GNG7: variants seen among roughly 807,000 people sequenced by gnomAD.
The protein encoded by GNG7 is G protein subunit gamma 7, also known as guanine nucleotide-binding protein G(I)/G(S)/G(O) subunit gamma-7.
A neutral mutation model predicts 4.0 loss-of-function variants in GNG7; 1 was observed. The ratio of observed to expected loss-of-function variants is 0.25; its 90% CI spans 0.09 to 1.18. The LOEUF (loss-of-function observed/expected upper bound fraction) is 1.18, where lower values mean the gene tolerates loss of function less well. Ranked by LOEUF, GNG7 falls within the 50% of genes most tolerant of loss-of-function variation. The pLI, the probability that GNG7 is intolerant of heterozygous loss-of-function variation, is 0.50. For synonymous variants in GNG7, 34 were observed against 36.9 expected (o/e 0.92, Z 0.29); for missense variants, 86 against 91.9 (o/e 0.94, Z 0.26).
At chr19:2,667,686 A>C (rs1983344949) in intron 1 of GNG7, among the ~76,000 whole-genome samples, 1 of 152,136 alleles carries the variant, frequency 6.6e-6, no homozygotes, top group South Asian at 2.1e-4. Context: ...AGGCGGAGGC[A>C]GGCAGATCAG....
intron 1 of GNG7, among the ~76,000 whole-genome samples, chr19:2,697,669 C>T (rs796409433): frequency 8.5e-5 from 13 of 152,264 alleles, no homozygotes; most frequent in African/African-American, 1.9e-4. Flanking sequence ...TGAAAGGACA[C>T]AGCGGCCGGG....
intron 2 of GNG7, among the ~76,000 whole-genome samples, chr19:2,606,669 T>A (rs112496379): frequency 0.014 from 472 of 34,480 alleles, 5 homozygotes; most frequent in African/African-American, 0.07. Flanking sequence ...AAAAAATAAT[T>A]AATTAATTAA....
rs35033739 is a variant in GNG7, at chr19:2,671,534, G to A, written c.-134-25254C>T. On this transcript the variant is annotated intron_variant, in intron 1 of 4. Transcript: ENST00000382159. Reference sequence around the variant, plus strand: ...CTGGGGAGGAGCCAGGCAGGGGAACGTTCGTCCTGGCTGAGCTCCGAGGCC... The same window carrying A: ...CTGGGGAGGAGCCAGGCAGGGGAACATTCGTCCTGGCTGAGCTCCGAGGCC... Among the ~76,000 whole-genome samples, 664 of 152,182 alleles carry A rather than the reference G, an allele frequency of 4.4e-3. 8 individuals carry two copies. Among genetic ancestry groups the A allele is most frequent in the African/African-American group, 0.015 (634 of 41,484 alleles).
At chr19:2,670,383 G>A (rs956837920) in intron 1 of GNG7, among the ~76,000 whole-genome samples, 4 of 152,318 alleles carry the variant, frequency 2.6e-5, no homozygotes, top group East Asian at 1.9e-4. Context: ...CCTCGACCCC[G>A]CTGTCACGGG....
At chr19:2,559,937 G>C (rs762546598) in intron 2 of GNG7, among the ~76,000 whole-genome samples, 2 of 152,236 alleles carry the variant, frequency 1.3e-5, no homozygotes, top group Non-Finnish European at 2.9e-5. Flanking sequence ...AGGGACACGA[G>C]AAGGGGCCTC....
rs200140812 is a variant in GNG7 at position 2,553,606 on chromosome 19, TATC to T, written c.-38+1540_-38+1542del. Among the ~76,000 whole-genome samples, 1,221 of 148,776 alleles carry T rather than the reference TATC, an allele frequency of 8.2e-3. 74 individuals carry two copies. The highest frequency in any genetic ancestry group is 0.073 in the Admixed American group (1,080 of 14,754). On this transcript the variant is annotated intron_variant, in intron 3 of 4. Transcript: ENST00000382159. The stretch of plus-strand genomic sequence containing the variant: ...ATACACGCACATATTACATGCAATA[TATC>T]ATACTACATACATGCACACGTTACA...
intron 2 of GNG7, among the ~76,000 whole-genome samples, chr19:2,599,355 G>A (rs1045185458): frequency 6.6e-6 from 1 of 152,074 alleles, no homozygotes; most frequent in Non-Finnish European, 1.5e-5. Flanking sequence ...CCTCCCAGCC[G>A]AGGCTGGATG....
intron 2 of GNG7, among the ~76,000 whole-genome samples, chr19:2,569,255 C>G (rs559206978): frequency 2.0e-3 from 286 of 141,952 alleles, no homozygotes; most frequent in Non-Finnish European, 3.8e-3. Context: ...GGATGGCGAT[C>G]ATCTCCATTC....
chr19:2,591,325 C>T lies in GNG7; in HGVS notation c.-77-36137G>A, dbSNP rs758449123. ...TATTTGCCAACATACTACTCCGCCT[C>T]CTCTCTGTTTCCTCTCTTGTAAGAT... On this transcript the variant is annotated intron_variant, in intron 2 of 4. Coordinates refer to ENST00000382159, the MANE Select transcript of GNG7 (RefSeq NM_052847.3). 3.5e-4 allele frequency among the ~76,000 whole-genome samples: 53 copies of T among 152,182 alleles called. 1 individual carries two copies. Among genetic ancestry groups the T allele is most frequent in the Admixed American group, 2.0e-4 (3 of 15,272 alleles).
chr19:2,620,581 G>A (rs567744221), intron 2 of GNG7, among the ~76,000 whole-genome samples: 83 of 152,266 alleles, frequency 5.5e-4, no homozygotes, highest in Middle Eastern at 3.4e-3. Flanking sequence ...GATTTTCAAC[G>A]AAACATCCCA....
intron 3 of GNG7, among the ~76,000 whole-genome samples, chr19:2,532,371 A>G (rs955118962): frequency 6.6e-6 from 1 of 152,204 alleles, no homozygotes; most frequent in Non-Finnish European, 1.5e-5. Flanking sequence ...TAAGAATTCA[A>G]TGGAAGAAAT....
At chr19:2,641,088 G>A (rs996633169) in intron 2 of GNG7, among the ~76,000 whole-genome samples, 1 of 152,208 alleles carries the variant, frequency 6.6e-6, no homozygotes, top group Non-Finnish European at 1.5e-5. Flanking sequence ...GAAGGGACTC[G>A]GGTCCCGCAG....
chr19:2,677,432 C>T (rs532526476), intron 1 of GNG7, among the ~76,000 whole-genome samples: 1 of 151,882 alleles, frequency 6.6e-6, no homozygotes, highest in African/African-American at 2.4e-5. Context: ...TTGCAGTGGC[C>T]AGGACAACCC....
In GNG7 at chr19:2,515,102, C is replaced by A; in HGVS notation, c.127G>T (p.Ala43Ser). ...SDLMSYCEQHARNDPLLVGVP... is the reference protein window; with the variant it reads ...SDLMSYCEQHSRNDPLLVGVP... Reference sequence around the variant, plus strand: ...CCGACCAGCAGGGGGTCGTTCCGGGCATGTTGCTCACAGTAGCTCATGAGG... The same window carrying A: ...CCGACCAGCAGGGGGTCGTTCCGGGAATGTTGCTCACAGTAGCTCATGAGG... Residue 43 changes from alanine (A) to serine (S), a missense_variant, in exon 5 of 5, where the codon GCC becomes TCC. Coordinates refer to ENST00000382159, the MANE Select transcript of GNG7 (RefSeq NM_052847.3). The A allele has an allele frequency of 6.2e-7, 1 of 1,613,952 alleles. No homozygotes were observed. The highest frequency in any genetic ancestry group is 8.5e-7 in the Non-Finnish European group (1 of 1,179,928).
At chr19:2,524,503 AGT>A (rs1404248151) in intron 3 of GNG7, among the ~76,000 whole-genome samples, 3 of 152,060 alleles carry the variant, frequency 2.0e-5, no homozygotes, top group African/African-American at 7.2e-5. Context: ...GGCATTCATG[AGT>A]GTGCATATAT....
At chr19:2,547,378 C>A (rs1367725118) in intron 3 of GNG7, among the ~76,000 whole-genome samples, 2 of 152,078 alleles carry the variant, frequency 1.3e-5, no homozygotes, top group African/African-American at 4.8e-5. Flanking sequence ...TCCCGCCTTT[C>A]GCCTAGAGGT....
intron 3 of GNG7, among the ~76,000 whole-genome samples, chr19:2,553,649 TTACATACATG>T (rs1979426083): frequency 1.2e-5 from 1 of 85,442 alleles, no homozygotes. Flanking sequence ...ATATGTTATA[TTACATACATG>T]CACACGTTAC....
intron 1 of GNG7, among the ~76,000 whole-genome samples, chr19:2,687,018 C>T (rs1983889483): frequency 6.6e-6 from 1 of 151,036 alleles, no homozygotes; most frequent in Non-Finnish European, 1.5e-5. Context: ...TCCCAAAGTG[C>T]TGGGATTACA....
chr19:2,549,955 C>T (rs149214984), intron 3 of GNG7, among the ~76,000 whole-genome samples: 110 of 152,350 alleles, frequency 7.2e-4, no homozygotes, highest in African/African-American at 2.0e-3. Context: ...CTTTTCTTGT[C>T]TATCCAAATT....
Sources: gnomAD v4.1 joint callset for allele counts (sites outside exome capture counted in the v4.1 genomes callset) on GRCh38, gnomAD v4.1.1 for gene constraint, MANE v1.5 for transcripts, NCBI Gene and HGNC (gene_info 2026-07-23, HGNC 2026-07-21) for gene names.